The following CDH19 variants were observed in gnomAD, a reference collection of about 807,000 sequenced individuals.
The protein encoded by CDH19 is cadherin 19.
In CDH19, 67 loss-of-function variants were observed where a neutral mutation model predicts 64.2. That is an observed-to-expected ratio of 1.04 (90% CI 0.86 to 1.28). The LOEUF is 1.28. CDH19 is among the 50% of genes most tolerant of loss of function. CDH19 has a pLI of 0.00. For synonymous variants in CDH19, 346 were observed against 319.3 expected (o/e 1.08, Z -0.89); for missense variants, 1,030 against 929.0 (o/e 1.11, Z -1.41).
intron 9 of CDH19, among the ~76,000 whole-genome samples, chr18:66,515,459 G>A (rs2144361655): frequency 6.6e-6 from 1 of 151,844 alleles, no homozygotes; most frequent in South Asian, 2.1e-4. Context: ...CAACAAGAAA[G>A]TCTAGGTTGT....
Position 66,572,323 on chromosome 18 carries a change from C to T in CDH19, c.-112-7G>A, listed in dbSNP as rs1988133498. 4.8e-6 allele frequency: 3 copies of T among 619,886 alleles called. No individual in the cohort carries two copies. The highest frequency in any genetic ancestry group is 7.7e-6 in the Non-Finnish European group (3 of 391,790). The allele number at this position is 619,886 out of a possible 1,614,324, so 38.4% of individuals were successfully genotyped here. ...CTGTGTACCTTCTATATACCTAAAG[C>T]GTCAGAAACAAAACAAAATTTGACA... On this transcript the variant is annotated splice_polypyrimidine_tract_variant and splice_region_variant and intron_variant, in intron 1 of 11. Transcript: ENST00000262150.
chr18:66,555,853 A>G (rs1987498752), intron 3 of CDH19, among the ~76,000 whole-genome samples: 1 of 151,806 alleles, frequency 6.6e-6, no homozygotes, highest in Admixed American at 6.6e-5. Context: ...TTTCCTCATT[A>G]TAATTCTCTA....
At chr18:66,601,820 TA>T (rs34518519) in intron 1 of CDH19, among the ~76,000 whole-genome samples, 20 of 150,708 alleles carry the variant, frequency 1.3e-4, no homozygotes, top group South Asian at 8.4e-4. Context: ...TGAGAGTGGG[TA>T]AAAAAAAACG....
Position 66,544,166 on chromosome 18 carries a change from T to G in CDH19, c.1019A>C (p.His340Pro). 1 of 1,613,878 alleles carries G rather than the reference T, an allele frequency of 6.2e-7. No individual in the cohort carries two copies. The highest frequency in any genetic ancestry group is 8.5e-7 in the Non-Finnish European group (1 of 1,179,788). Residue 340 changes from histidine to proline, a missense_variant, in exon 7 of 12, where the codon CAT becomes CCT. Coordinates refer to ENST00000262150, the MANE Select transcript of CDH19 (RefSeq NM_021153.4). ...YGIRAKVKNH[H>P]VPEQLMKYHT... ...GTACTTCATGAGCTGCTCAGGAACA[T>G]GATGGTTTTTAACTTTTGCTCTAAT...
At chr18:66,574,562 A>T (rs1392079654) in intron 1 of CDH19, among the ~76,000 whole-genome samples, 1 of 151,742 alleles carries the variant, frequency 6.6e-6, no homozygotes, top group Non-Finnish European at 1.5e-5. Context: ...AATGAGAAAC[A>T]AGTTAAAAAA....
intron 1 of CDH19, among the ~76,000 whole-genome samples, chr18:66,584,957 T>C (rs1297705414): frequency 6.6e-6 from 1 of 152,116 alleles, no homozygotes; most frequent in East Asian, 1.9e-4. Flanking sequence ...TGTCTTTATT[T>C]TTAGTTTTCA....
chr18:66,546,548 T>C (rs1176300416), intron 5 of CDH19, among the ~76,000 whole-genome samples: 1 of 152,140 alleles, frequency 6.6e-6, no homozygotes, highest in Admixed American at 6.5e-5. Flanking sequence ...ATTATTTTAT[T>C]GAACATAATT....
chr18:66,584,250 C>G (rs1434988740), intron 1 of CDH19, among the ~76,000 whole-genome samples: 2 of 151,992 alleles, frequency 1.3e-5, no homozygotes, highest in Non-Finnish European at 2.9e-5. Context: ...TGACAAAAAG[C>G]TCAGTCTCAC....
chr18:66,581,426 G>A (rs954411832), intron 1 of CDH19, among the ~76,000 whole-genome samples: 1 of 152,004 alleles, frequency 6.6e-6, no homozygotes, highest in African/African-American at 2.4e-5. Flanking sequence ...TTTTCTTGGT[G>A]TGTCTGTGAG....
At chr18:66,508,247 G>A (rs941658800) in intron 11 of CDH19, among the ~76,000 whole-genome samples, 1 of 151,932 alleles carries the variant, frequency 6.6e-6, no homozygotes, top group Non-Finnish European at 1.5e-5. Context: ...GATAGCAGGT[G>A]AGAGAATGAA....
chr18:66,566,088 A>G (rs2144562700), intron 3 of CDH19, among the ~76,000 whole-genome samples: 1 of 152,054 alleles, frequency 6.6e-6, no homozygotes, highest in African/African-American at 2.4e-5. Context: ...TCATGGGTTC[A>G]CTACCCAACT....
intron 1 of CDH19, among the ~76,000 whole-genome samples, chr18:66,591,878 C>G (rs12959877): frequency 0.34 from 51,110 of 151,604 alleles, 10,053 homozygotes; most frequent in Non-Finnish European, 0.45. Flanking sequence ...TACTGCATCA[C>G]AAAACAGTCT....
At chr18:66,515,438 A>G (rs1008002860) in intron 9 of CDH19, among the ~76,000 whole-genome samples, 1 of 151,826 alleles carries the variant, frequency 6.6e-6, no homozygotes, top group Non-Finnish European at 1.5e-5. Flanking sequence ...ATACACTAAT[A>G]GAAGTAGAAC....
chr18:66,520,904 A>G (rs566025054), intron 9 of CDH19, among the ~76,000 whole-genome samples: 1 of 152,206 alleles, frequency 6.6e-6, no homozygotes, highest in East Asian at 1.9e-4. Context: ...CAAGATATTA[A>G]TCTGGTTGTT....
At chr18:66,584,971 A>C (rs553877601) in intron 1 of CDH19, among the ~76,000 whole-genome samples, 1 of 152,084 alleles carries the variant, frequency 6.6e-6, no homozygotes, top group Non-Finnish European at 1.5e-5. Context: ...GTTTTCATGT[A>C]CAATTAAAAA....
intron 3 of CDH19, among the ~76,000 whole-genome samples, chr18:66,566,972 G>A (rs1987933736): frequency 6.6e-6 from 1 of 151,702 alleles, no homozygotes; most frequent in Admixed American, 6.6e-5. Context: ...AATGTGGTAT[G>A]GATGGCCTCT....
At chr18:66,549,594 C>T (rs1987263630) in intron 5 of CDH19, among the ~76,000 whole-genome samples, 1 of 152,010 alleles carries the variant, frequency 6.6e-6, no homozygotes, top group Non-Finnish European at 1.5e-5. Flanking sequence ...AGTCCATCCA[C>T]AGAGGAACTG....
At position 66,562,478 on chromosome 18, in the gene CDH19, C is replaced by A. The variant is rs572941092; in HGVS notation, c.490+5938G>T. 7.2e-5 allele frequency among the ~76,000 whole-genome samples: 11 copies of A among 152,018 alleles called. No homozygotes were observed. The South Asian group carries it at 1.7e-3, about 23-fold the overall frequency. ...AGGTGGTAATGCAAACCATGAGGAG[C>A]GGCTGTAAATACAAATGAGGCTTAG... On this transcript the variant is annotated intron_variant, in intron 3 of 11. Coordinates refer to ENST00000262150, the MANE Select transcript of CDH19 (RefSeq NM_021153.4).
At chr18:66,573,092 T>C (rs1988157421) in intron 1 of CDH19, among the ~76,000 whole-genome samples, 1 of 151,674 alleles carries the variant, frequency 6.6e-6, no homozygotes, top group African/African-American at 2.4e-5. Context: ...ATTTAAAACT[T>C]TCCATTGACC....
Sources: gnomAD v4.1 joint callset for allele counts (sites outside exome capture counted in the v4.1 genomes callset) on GRCh38, gnomAD v4.1.1 for gene constraint, MANE v1.5 for transcripts, NCBI Gene and HGNC (gene_info 2026-07-23, HGNC 2026-07-21) for gene names.